DDI2: variants seen among roughly 807,000 people sequenced by gnomAD.
The protein encoded by DDI2 is protein DDI1 homolog 2.
Under a neutral mutation model 48.1 loss-of-function variants are expected in DDI2, and 5 were observed. That is an observed-to-expected ratio of 0.10 (90% CI 0.05 to 0.22). The LOEUF is 0.22. Ranked by LOEUF, DDI2 falls within the 10% of genes least tolerant of loss-of-function variation. The pLI, the probability that DDI2 is intolerant of heterozygous loss-of-function variation, is 1.00. For synonymous variants in DDI2, 205 were observed against 183.6 expected, an observed-to-expected ratio of 1.12 and a Z score of -0.94; for missense variants, 285 against 506.2, an observed-to-expected ratio of 0.56 and a Z score of 4.19.
At chr1:15,656,554 C>T (rs1640276171) in intron 8 of DDI2, 63 bp from the exon 9 acceptor site, 1 of 1,613,988 alleles carries the variant, frequency 6.2e-7, no homozygotes, top group Admixed American at 1.7e-5. Context: ...AACTATAACC[C>T]TGCATGCTGT....
chr1:15,627,541 G>C (rs1012712208), intron 2 of DDI2, among the ~76,000 whole-genome samples: 5 of 152,142 alleles, frequency 3.3e-5, no homozygotes, highest in African/African-American at 4.8e-5. Context: ...GATTTAGTAG[G>C]TTCTATGTCA....
intron 1 of DDI2, among the ~76,000 whole-genome samples, chr1:15,623,636 C>G (rs1314333180): frequency 6.6e-6 from 1 of 151,740 alleles, no homozygotes; most frequent in South Asian, 2.1e-4. Context: ...TTCCTGGCCT[C>G]AAATGATCTT....
At chr1:15,633,594 A>T in intron 4 of DDI2, 29 bp downstream of exon 4, 1 of 1,604,034 alleles carries the variant, frequency 6.2e-7, no homozygotes, top group South Asian at 1.1e-5. Context: ...AAAGAACAAA[A>T]CTTAGAGACT....
Position 15,661,231 on chromosome 1 carries a change from A to G in DDI2, c.*1441A>G, listed in dbSNP as rs766837954. 7 of 1,614,042 alleles carry G rather than the reference A, an allele frequency of 4.3e-6. No homozygotes were observed. The highest frequency in any genetic ancestry group is 5.9e-6 in the Non-Finnish European group (7 of 1,180,028). On this transcript the variant is annotated 3_prime_UTR_variant, in exon 10 of 10. Transcript: ENST00000480945. ...CAGGAGTCTAGGTGATGGCCTGTCA[A>G]CCGATAAGGAAGGTGTCCCCAAATC...
At chr1:15,632,020 G>A (rs149935304) in intron 3 of DDI2, among the ~76,000 whole-genome samples, 317 of 151,738 alleles carry the variant, frequency 2.1e-3, no homozygotes, top group African/African-American at 7.3e-3. Context: ...TGGCCAGGCT[G>A]GTCTCAAACT....
intron 1 of DDI2, among the ~76,000 whole-genome samples, chr1:15,623,387 CTTT>C (rs777821777): frequency 7.0e-4 from 75 of 107,484 alleles, no homozygotes; most frequent in African/African-American, 2.7e-3. Flanking sequence ...TTTTCTTCTT[CTTT>C]TTTTTTTTTT....
Position 15,661,817 on chromosome 1 carries a change from A to G in DDI2, c.*2027A>G. 8 of 1,368,664 alleles carry G rather than the reference A, an allele frequency of 5.8e-6. No individual in the cohort carries two copies. The highest frequency in any genetic ancestry group is 7.6e-6 in the Non-Finnish European group (8 of 1,052,312). The allele number at this position is 1,368,664 out of a possible 1,614,324, so 84.8% of individuals were successfully genotyped here. A position where few individuals can be genotyped will look rare whatever the true frequency, so the allele number is the denominator to read the frequency against. On this transcript the variant is annotated 3_prime_UTR_variant, in exon 10 of 10. Transcript: ENST00000480945. Reference sequence around the variant, plus strand: ...ACACATACACACTCACCACATATACAGTATATATAGAAACCTGCAAGCAGA... The same window carrying G: ...ACACATACACACTCACCACATATACGGTATATATAGAAACCTGCAAGCAGA...
At chr1:15,643,750 T>A in intron 6 of DDI2, 100 bp downstream of exon 6, 1 of 1,484,768 alleles carries the variant, frequency 6.7e-7, no homozygotes, top group South Asian at 1.4e-5. Flanking sequence ...TGTTATTTTG[T>A]TGTTGTTGTT....
In DDI2 at chr1:15,665,444, G is replaced by A. The variant is rs1412750218; in HGVS notation, c.*5654G>A. ...CCCAAAGCATGTCTCTAGCAAGAGG[G>A]TACATAGAAATGGAACATGAGGCTT... On this transcript the variant is annotated 3_prime_UTR_variant, in exon 10 of 10. Coordinates refer to ENST00000480945, the MANE Select transcript of DDI2 (RefSeq NM_032341.5). 6.6e-6 allele frequency: 1 copy of A among 152,076 alleles called. No individual in the cohort carries two copies. The highest frequency in any genetic ancestry group is 2.4e-5 in the African/African-American group (1 of 41,396). The allele number at this position is 152,076 out of a possible 1,614,324, so 9.4% of individuals were successfully genotyped here.
intron 2 of DDI2, among the ~76,000 whole-genome samples, chr1:15,627,221 G>A (rs1485488574): frequency 6.6e-6 from 1 of 152,164 alleles, no homozygotes; most frequent in East Asian, 1.9e-4. Context: ...CCAGGCACTT[G>A]GAGCTGCATT....
intron 4 of DDI2, 80 bp downstream of exon 4, chr1:15,633,645 C>CA: frequency 6.3e-7 from 1 of 1,581,290 alleles, no homozygotes; most frequent in South Asian, 1.1e-5. Context: ...ATTGGTTGGG[C>CA]ATCTGCTTGG....
At position 15,661,378 on chromosome 1, in the gene DDI2, CTCAA is replaced by C. The variant is rs1640373714; in HGVS notation, c.*1592_*1595del. 1 of 1,614,054 alleles carries C rather than the reference CTCAA, an allele frequency of 6.2e-7. No individual in the cohort carries two copies. The highest frequency in any genetic ancestry group is 1.7e-5 in the Admixed American group (1 of 59,998). On this transcript the variant is annotated 3_prime_UTR_variant, in exon 10 of 10. Coordinates refer to ENST00000480945, the MANE Select transcript of DDI2 (RefSeq NM_032341.5). ...ACTTTTAGCAGGTGAGGAGGATGCA[CTCAA>C]TCAGACTTCTGAGCAAACTAAGTCT...
chr1:15,654,245 CATTCAG>C (rs1322046443), intron 8 of DDI2, among the ~76,000 whole-genome samples: 1 of 152,190 alleles, frequency 6.6e-6, no homozygotes, highest in African/African-American at 2.4e-5. Context: ...TACTGGAGAA[CATTCAG>C]ATGTCTGTCA....
In DDI2 at chr1:15,662,568, G is replaced by C. The variant is rs1464253378; in HGVS notation, c.*2778G>C. 1.3e-5 allele frequency: 2 copies of C among 152,220 alleles called. No individual in the cohort carries two copies. Among genetic ancestry groups the C allele is most frequent in the African/African-American group, 4.8e-5 (2 of 41,458 alleles). 9.4% of individuals were successfully genotyped at this position (152,220 alleles called of 1,614,324 possible). ...GGCCTAAACACTGGAATTTGCTAGA[G>C]TTTGGGTTTGCTAGCATCTCACTGA... On this transcript the variant is annotated 3_prime_UTR_variant, in exon 10 of 10. Coordinates refer to ENST00000480945, the MANE Select transcript of DDI2 (RefSeq NM_032341.5).
At chr1:15,619,170 G>GA (rs2103458194) in intron 1 of DDI2, among the ~76,000 whole-genome samples, 1 of 152,208 alleles carries the variant, frequency 6.6e-6, no homozygotes, top group Non-Finnish European at 1.5e-5. Context: ...GCCCATGCTG[G>GA]AGTGCAGTGG....
chr1:15,622,698 G>C (rs1639685188), intron 1 of DDI2, among the ~76,000 whole-genome samples: 1 of 152,116 alleles, frequency 6.6e-6, no homozygotes, highest in African/African-American at 2.4e-5. Flanking sequence ...GAGATTTGAA[G>C]CCATGTCTAA....
chr1:15,647,050 G>T (rs1570983798), intron 6 of DDI2, among the ~76,000 whole-genome samples: 1 of 152,212 alleles, frequency 6.6e-6, no homozygotes, highest in South Asian at 2.1e-4. Flanking sequence ...TTTTCCCAAT[G>T]TCACCATGAA....
At chr1:15,649,939 C>A in intron 7 of DDI2, 116 bp downstream of exon 7, 1 of 952,952 alleles carries the variant, frequency 1.0e-6, no homozygotes, top group Non-Finnish European at 1.5e-6. Flanking sequence ...CTTTTCAAAC[C>A]TGGAAATGTC....
chr1:15,640,476 A>C (rs893279308), intron 5 of DDI2, among the ~76,000 whole-genome samples: 2 of 152,202 alleles, frequency 1.3e-5, no homozygotes, highest in African/African-American at 4.8e-5. Context: ...ATTCAGCCCC[A>C]GGTCCCCTTG....
Sources: gnomAD v4.1 joint callset for allele counts (sites outside exome capture counted in the v4.1 genomes callset) on GRCh38, gnomAD v4.1.1 for gene constraint, MANE v1.5 for transcripts, NCBI Gene and HGNC (gene_info 2026-07-23, HGNC 2026-07-21) for gene names.